The following CHD6 variants were observed in gnomAD, a reference collection of about 807,000 sequenced individuals.
CHD6 encodes the protein chromodomain helicase DNA binding protein 6, also known as ATP-dependent chromatin remodeler CHD6.
CHD6 carries 50 observed loss-of-function variants against 276.9 expected under a neutral mutation model. The ratio of observed to expected loss-of-function variants is 0.18; its 90% CI spans 0.14 to 0.23. CHD6 has a LOEUF of 0.23. CHD6 is among the 10% of genes least tolerant of loss of function. The pLI is 1.00. For synonymous variants in CHD6, 1,173 were observed against 1,229.3 expected (o/e 0.95, Z 0.96); for missense variants, 2,564 against 3,365.8 (o/e 0.76, Z 5.89).
At chr20:41,519,188 T>C (rs1042315420) in intron 3 of CHD6, among the ~76,000 whole-genome samples, 2 of 152,002 alleles carry the variant, frequency 1.3e-5, no homozygotes, top group Admixed American at 1.3e-4. Flanking sequence ...GAGGCTGAGG[T>C]GGGAGAATTG....
intron 28 of CHD6, among the ~76,000 whole-genome samples, chr20:41,425,777 C>CA (rs1273178098): frequency 6.6e-6 from 1 of 151,474 alleles, no homozygotes; most frequent in Non-Finnish European, 1.5e-5. Flanking sequence ...CCAACCCCCA[C>CA]AACCTTTCTT....
chr20:41,609,703 ATGAC>A (rs1295677623), intron 1 of CHD6, among the ~76,000 whole-genome samples: 1 of 152,176 alleles, frequency 6.6e-6, no homozygotes, highest in Non-Finnish European at 1.5e-5. Context: ...CACTGCCTAA[ATGAC>A]TAACAATTTC....
chr20:41,605,838 A>G (rs1017673553), intron 1 of CHD6, among the ~76,000 whole-genome samples: 2 of 152,226 alleles, frequency 1.3e-5, no homozygotes, highest in Admixed American at 6.5e-5. Flanking sequence ...AAGAAGTGAA[A>G]TGAAAATATC....
intron 23 of CHD6, among the ~76,000 whole-genome samples, chr20:41,449,102 C>T (rs1233884580): frequency 6.6e-6 from 1 of 152,130 alleles, no homozygotes; most frequent in Non-Finnish European, 1.5e-5. Flanking sequence ...GGGGTTTCAC[C>T]ATGTTGGCCA....
Position 41,497,857 on chromosome 20 carries a change from C to T in CHD6, c.974+311G>A, listed in dbSNP as rs570253239. 63 of 436,112 alleles carry T rather than the reference C, an allele frequency of 1.4e-4. 1 individual carries two copies. The highest frequency in any genetic ancestry group is 2.3e-4 in the Non-Finnish European group (56 of 240,306). 27.0% of individuals were successfully genotyped at this position (436,112 alleles called of 1,614,324 possible). A position where few individuals can be genotyped will look rare whatever the true frequency, so the allele number is the denominator to read the frequency against. On this transcript the variant is annotated intron_variant, in intron 7 of 36. Transcript: ENST00000373233. ...GAGCATATGCTACAGGAGAGTGGTT[C>T]TCTACCCTGGTTGCATATGAGAATT...
chr20:41,443,367 C>G (rs540512011), intron 25 of CHD6, among the ~76,000 whole-genome samples: 2 of 152,184 alleles, frequency 1.3e-5, no homozygotes, highest in African/African-American at 4.8e-5. Flanking sequence ...CAATAATAAC[C>G]TGTCTTTTCC....
rs748667726 is a variant in CHD6 at position 41,415,389 on chromosome 20, T to C, written c.6736A>G (p.Ser2246Gly). Reference sequence around the variant, plus strand: ...ATGCCAAGGGCTCCCTGAAGTGAACTGATAGCCCCAATCTTAGGGGTGCTG... The same window carrying C: ...ATGCCAAGGGCTCCCTGAAGTGAACCGATAGCCCCAATCTTAGGGGTGCTG... ...SASTPKIGAI[S>G]SLQGALGMDL... The change falls in exon 34 of 37, where the codon AGT becomes GGT. Residue 2246 changes from serine to glycine, a missense_variant. Physicochemically the swap from Ser to Gly is moderately conservative, Grantham distance 56. Coordinates refer to ENST00000373233, the MANE Select transcript of CHD6 (RefSeq NM_032221.5). 2 of 1,613,726 alleles carry C rather than the reference T, an allele frequency of 1.2e-6. No individual in the cohort carries two copies. The highest frequency in any genetic ancestry group is 3.3e-5 in the Admixed American group (2 of 59,928).
At chr20:41,570,279 A>G (rs1290016179) in intron 1 of CHD6, among the ~76,000 whole-genome samples, 1 of 152,232 alleles carries the variant, frequency 6.6e-6, no homozygotes, top group Non-Finnish European at 1.5e-5. Flanking sequence ...AGGCTCATCA[A>G]AATCCTCAAG....
At chr20:41,552,556 G>C (rs1356535053) in intron 1 of CHD6, among the ~76,000 whole-genome samples, 2 of 152,126 alleles carry the variant, frequency 1.3e-5, no homozygotes, top group Non-Finnish European at 2.9e-5. Context: ...ATTTAAAAAA[G>C]ATTAAAGTGA....
At chr20:41,443,019 T>C (rs892720907) in intron 25 of CHD6, among the ~76,000 whole-genome samples, 41 of 152,348 alleles carry the variant, frequency 2.7e-4, no homozygotes, top group African/African-American at 9.6e-4. Context: ...GCTAAACTCA[T>C]CCTGTACAAT....
chr20:41,421,196 A>T lies in CHD6; in HGVS notation c.5439T>A (p.Pro1813=). The stretch of plus-strand genomic sequence containing the variant: ...CACTTTCATTTCCTGGATTCAAGGA[A>T]GGGGAAGCTAAACACTTGGCTTCCA... ...GQLEAKCLAS[P]SLNPGNESGF... The change falls in exon 31 of 37, where the codon CCT becomes CCA. Residue 1813 remains proline (P), a synonymous_variant. Transcript: ENST00000373233. 6.2e-7 allele frequency: 1 copy of T among 1,613,414 alleles called. No individual in the cohort carries two copies. The highest frequency in any genetic ancestry group is 8.5e-7 in the Non-Finnish European group (1 of 1,179,688).
intron 17 of CHD6, among the ~76,000 whole-genome samples, chr20:41,464,432 C>G (rs1331034466): frequency 6.6e-6 from 1 of 152,116 alleles, no homozygotes; most frequent in East Asian, 1.9e-4. Context: ...TATGGGTTAG[C>G]AATTCTAAAA....
intron 36 of CHD6, among the ~76,000 whole-genome samples, chr20:41,411,625 A>G (rs573749593): frequency 6.6e-6 from 1 of 152,196 alleles, no homozygotes; most frequent in South Asian, 2.1e-4. Context: ...ATTAACTCGG[A>G]TTCGTTATAC....
At position 41,616,704 on chromosome 20, in the gene CHD6, C is replaced by T. The variant is rs182802090; in HGVS notation, c.-24+1636G>A. ...TAAAGATGCATTGCTTATATGAAAC[C>T]ACCTGCTCTGCTTGGCATAAATCAT... On this transcript the variant is annotated intron_variant, in intron 1 of 36. Coordinates refer to ENST00000373233, the MANE Select transcript of CHD6 (RefSeq NM_032221.5). Among the ~76,000 whole-genome samples, 5 of 152,286 alleles carry T rather than the reference C, an allele frequency of 3.3e-5. No individual in the cohort carries two copies. In the East Asian group the frequency reaches 7.7e-4, roughly 23 times the overall value.
chr20:41,426,255 GT>G (rs959145950), intron 27 of CHD6, 102 bp from the exon 28 acceptor site: 2 of 830,688 alleles, frequency 2.4e-6, no homozygotes, highest in Admixed American at 1.7e-5. Context: ...CATAAGAGCT[GT>G]CCCCTGCCCA....
At chr20:41,439,312 C>G (rs534476355) in intron 26 of CHD6, among the ~76,000 whole-genome samples, 1 of 151,284 alleles carries the variant, frequency 6.6e-6, no homozygotes, top group African/African-American at 2.4e-5. Flanking sequence ...GCCAAGATTG[C>G]GCCACTGCAC....
chr20:41,579,478 A>G (rs2045513401), intron 1 of CHD6, among the ~76,000 whole-genome samples: 1 of 150,372 alleles, frequency 6.7e-6, no homozygotes, highest in African/African-American at 2.5e-5. Context: ...AAAAGAAACA[A>G]GAGACAGGAA....
chr20:41,456,888 G>A (rs1410090507), intron 18 of CHD6, among the ~76,000 whole-genome samples: 1 of 152,136 alleles, frequency 6.6e-6, no homozygotes, highest in Non-Finnish European at 1.5e-5. Context: ...TAGGGGCCGA[G>A]GGGACATAGA....
chr20:41,555,192 G>A (rs1310822695), intron 1 of CHD6, among the ~76,000 whole-genome samples: 2 of 131,908 alleles, frequency 1.5e-5, no homozygotes, highest in Admixed American at 7.5e-5. Context: ...CCGGGCAGAG[G>A]CGCCCCTCAC....
Sources: allele counts gnomAD v4.1 joint callset (sites outside exome capture counted in the v4.1 genomes callset), GRCh38; gene constraint gnomAD v4.1.1; transcripts MANE v1.5; gene names NCBI Gene and HGNC (gene_info 2026-07-23, HGNC 2026-07-21).